PRDM2: variants seen among roughly 807,000 people sequenced by gnomAD.
The protein encoded by PRDM2 is PR domain zinc finger protein 2.
In PRDM2, 30 loss-of-function variants were observed where a neutral mutation model predicts 130.0. That is an observed-to-expected ratio of 0.23 (90% CI 0.17 to 0.31). The LOEUF is 0.31. Ranked by LOEUF, PRDM2 falls within the 10% of genes least tolerant of loss-of-function variation. The pLI is 1.00. For missense variants in PRDM2, 2,011 were observed against 2,108.4 expected (o/e 0.95, Z 0.90); for synonymous variants, 871 against 782.4 (o/e 1.11, Z -1.89).
At chr1:13,762,804 A>G (rs1644133126) in intron 6 of PRDM2, among the ~76,000 whole-genome samples, 1 of 152,140 alleles carries the variant, frequency 6.6e-6, no homozygotes, top group Non-Finnish European at 1.5e-5. Flanking sequence ...CCCTTGGTGG[A>G]TGGAACTTTA....
chr1:13,746,453 T>G (rs934134074), intron 5 of PRDM2, among the ~76,000 whole-genome samples: 7 of 151,856 alleles, frequency 4.6e-5, no homozygotes, highest in Non-Finnish European at 8.8e-5. Flanking sequence ...AATATAAAGT[T>G]GCGAAGCATA....
At chr1:13,789,269 T>G (rs1450625796) in intron 8 of PRDM2, among the ~76,000 whole-genome samples, 1 of 152,284 alleles carries the variant, frequency 6.6e-6, no homozygotes, top group Non-Finnish European at 1.5e-5. Flanking sequence ...CATTTCACAG[T>G]GTTTCTGGTA....
intron 6 of PRDM2, among the ~76,000 whole-genome samples, chr1:13,749,812 G>C (rs1398799453): frequency 6.6e-6 from 1 of 152,082 alleles, no homozygotes; most frequent in Non-Finnish European, 1.5e-5. Flanking sequence ...CGGCGTTCCG[G>C]GGCCGGACGT....
At position 13,823,868 on chromosome 1, in the gene PRDM2, C is replaced by T. The variant is rs1645394021; in HGVS notation, c.*733C>T. ...TTTGTCCCCACTTACAGATCTATCT[C>T]CTCCCTTGGGAAGGGCAGGGAATGG... On this transcript the variant is annotated 3_prime_UTR_variant, in exon 10 of 10. Transcript: ENST00000311066. 6.6e-6 allele frequency: 1 copy of T among 152,348 alleles called. No homozygotes were observed. Among genetic ancestry groups the T allele is most frequent in the Non-Finnish European group, 1.5e-5 (1 of 68,180 alleles). The allele number at this position is 152,348 out of a possible 1,614,324, so 9.4% of individuals were successfully genotyped here. A position where few individuals can be genotyped will look rare whatever the true frequency, so the allele number is the denominator to read the frequency against.
chr1:13,764,774 T>G (rs193190986), intron 6 of PRDM2, among the ~76,000 whole-genome samples: 1 of 152,314 alleles, frequency 6.6e-6, no homozygotes, highest in Admixed American at 6.5e-5. Flanking sequence ...TTTCCATTGT[T>G]TCTGTTGGAA....
chr1:13,823,276 T>G lies in PRDM2; in HGVS notation c.*141T>G, dbSNP rs1334538759. ...GAGAAAGGGAGTGCATGTGCGCGCG[T>G]GCATGTGTGCGTGCGTGTGTGTTCA... On this transcript the variant is annotated 3_prime_UTR_variant, in exon 10 of 10. Coordinates refer to ENST00000311066, the MANE Select transcript of PRDM2 (RefSeq NM_001393986.1). 7.2e-7 allele frequency: 1 copy of G among 1,393,264 alleles called. No homozygotes were observed. Among genetic ancestry groups the G allele is most frequent in the Non-Finnish European group, 1.0e-6 (1 of 989,148 alleles). The allele number at this position is 1,393,264 out of a possible 1,614,324, so 86.3% of individuals were successfully genotyped here. A position where few individuals can be genotyped will look rare whatever the true frequency, so the allele number is the denominator to read the frequency against.
In PRDM2 at chr1:13,801,266, C is replaced by T. The variant is rs182760876; in HGVS notation, c.5037-15161C>T. On this transcript the variant is annotated intron_variant, in intron 8 of 9. Transcript: ENST00000311066. ...TAGGGATAGGCTTTGACAAAGCCAT[C>T]CCTTGCAGAATTCCCCTTGTGCGTT... Among the ~76,000 whole-genome samples, 9 of 152,334 alleles carry T rather than the reference C, an allele frequency of 5.9e-5. No homozygotes were observed. In the East Asian group the frequency reaches 1.7e-3, roughly 29 times the overall value.
chr1:13,731,620 A>C (rs1643114281), intron 3 of PRDM2, among the ~76,000 whole-genome samples: 1 of 152,126 alleles, frequency 6.6e-6, no homozygotes, highest in Non-Finnish European at 1.5e-5. Flanking sequence ...ACATGCTGTG[A>C]GTGTATCTAA....
At chr1:13,733,635 A>G (rs148053106) in intron 4 of PRDM2, among the ~76,000 whole-genome samples, 15 of 152,338 alleles carry the variant, frequency 9.8e-5, no homozygotes, top group Non-Finnish European at 1.6e-4. Flanking sequence ...CTCAATTAAA[A>G]AAATAGAGAT....
At chr1:13,729,076 G>A (rs1004111943) in intron 2 of PRDM2, among the ~76,000 whole-genome samples, 2 of 152,192 alleles carry the variant, frequency 1.3e-5, no homozygotes, top group African/African-American at 4.8e-5. Context: ...TTTAAGCAAT[G>A]TCTCTAAGCT....
rs1042355371 is a variant in PRDM2, at chr1:13,781,649, C to G, written c.3854C>G (p.Pro1285Arg). The G allele has an allele frequency of 5.3e-5, 85 of 1,613,924 alleles. No homozygotes were observed. Among genetic ancestry groups the G allele is most frequent in the Non-Finnish European group, 7.2e-5 (85 of 1,180,020 alleles). ...GCTTCTGGAATAAAGACAAAAGATCCAGATGTTCGATTGGGCCTCAATCAG... is the reference window on the plus strand; with the variant it reads ...GCTTCTGGAATAAAGACAAAAGATCGAGATGTTCGATTGGGCCTCAATCAG... ...IMASGIKTKD[P>R]DVRLGLNQHY... Residue 1285 changes from proline (P) to arginine (R), a missense_variant, in exon 8 of 10, where the codon CCA becomes CGA. By Grantham distance (103) the Pro-to-Arg change is moderately radical. Around this residue, in one of 5 missense-constraint regions of PRDM2, gnomAD observed 229 missense variants for 364.1 expected, o/e 0.63. Coordinates refer to ENST00000311066, the MANE Select transcript of PRDM2 (RefSeq NM_001393986.1). The surrounding 1 kb of genome is among the most constrained non-coding windows in gnomAD (Gnocchi z 6.1).
chr1:13,729,366 C>T (rs912383001), intron 2 of PRDM2, among the ~76,000 whole-genome samples: 2 of 152,078 alleles, frequency 1.3e-5, no homozygotes, highest in Non-Finnish European at 2.9e-5. Context: ...GAAGAAAATC[C>T]CCTTTTACTT....
chr1:13,712,927 C>A (rs1205778359), intron 1 of PRDM2, among the ~76,000 whole-genome samples: 1 of 152,220 alleles, frequency 6.6e-6, no homozygotes, highest in Non-Finnish European at 1.5e-5. Context: ...GCGCCCCTCA[C>A]CGACTCTGCA....
intron 8 of PRDM2, among the ~76,000 whole-genome samples, chr1:13,786,092 C>T (rs1215923758): frequency 1.3e-5 from 2 of 152,104 alleles, no homozygotes; most frequent in Non-Finnish European, 2.9e-5. Flanking sequence ...CCCGTCTCGG[C>T]CTCCTGCAGT....
chr1:13,743,032 G>T (rs907414370), intron 5 of PRDM2, among the ~76,000 whole-genome samples: 6 of 152,168 alleles, frequency 3.9e-5, no homozygotes, highest in Admixed American at 3.9e-4. Flanking sequence ...GTGTGAGGAA[G>T]CGTGGAGTGT....
rs1644624405 is a variant in PRDM2, at chr1:13,782,030, TGTC to T, written c.4240_4242del (p.Ser1414del). 6.2e-7 allele frequency: 1 copy of T among 1,613,808 alleles called. No individual in the cohort carries two copies. Among genetic ancestry groups the T allele is most frequent in the African/African-American group, 1.3e-5 (1 of 74,806 alleles). On this transcript the variant is annotated inframe_deletion, in exon 8 of 10. Coordinates refer to ENST00000311066, the MANE Select transcript of PRDM2 (RefSeq NM_001393986.1). ...AACTTTAGTGTTGAGCTCAGCAAAATGTCGTCGAATAAGCTCAAATTAAATGCA... is the reference window on the plus strand; with the variant it reads ...AACTTTAGTGTTGAGCTCAGCAAAATGTCGAATAAGCTCAAATTAAATGCA...
chr1:13,753,212 G>A (rs763190939), intron 6 of PRDM2, among the ~76,000 whole-genome samples: 3 of 152,128 alleles, frequency 2.0e-5, no homozygotes, highest in South Asian at 2.1e-4. Flanking sequence ...AGTTTATAGC[G>A]GCAAGAAGTT....
intron 1 of PRDM2, among the ~76,000 whole-genome samples, chr1:13,705,981 CAAAAAAAAAAAA>C (rs61072408): frequency 3.5e-5 from 2 of 56,792 alleles, no homozygotes; most frequent in Admixed American, 3.5e-4. Context: ...GACTCCGTCT[CAAAAAAAAAAAA>C]AAAAAAAAAA....
chr1:13,782,623 A>C lies in PRDM2; in HGVS notation c.4828A>C (p.Ser1610Arg). The change falls in exon 8 of 10, where the codon AGC becomes CGC. Residue 1610 changes from serine to arginine, a missense_variant. This residue lies in a region of PRDM2 where 410 missense variants were observed against 395.9 expected (regional missense o/e 1.04). Transcript: ENST00000311066. ...SAQLSSKTSR[S>R]LHVRVQKSKA... ...TCAGCTTTCCAGCAAAACATCACGGAGCCTGCACGTGAGGGTACAGAAAAG... is the reference window on the plus strand; with the variant it reads ...TCAGCTTTCCAGCAAAACATCACGGCGCCTGCACGTGAGGGTACAGAAAAG... 6.2e-7 allele frequency: 1 copy of C among 1,614,172 alleles called. No homozygotes were observed. The highest frequency in any genetic ancestry group is 8.5e-7 in the Non-Finnish European group (1 of 1,180,034).
Sources: gnomAD v4.1 joint callset for allele counts (sites outside exome capture counted in the v4.1 genomes callset) on GRCh38, gnomAD v4.1.1 for gene constraint, gnomAD v4.1.1 regional missense constraint, Gnocchi (gnomAD v3.1) non-coding constraint, MANE v1.5 for transcripts, NCBI Gene and HGNC (gene_info 2026-07-23, HGNC 2026-07-21) for gene names.